Variants in QTMAN observed in about 807,000 individuals in gnomAD.
The protein encoded by QTMAN is tRNA-queuosine alpha-mannosyltransferase.
At chr2:143,959,777 T>C in the QTMAN span, among the ~76,000 whole-genome samples, 2 of 152,096 alleles carry the variant, frequency 1.3e-5, no homozygotes, top group African/African-American at 2.4e-5. Context: ...AAAATCTAAA[T>C]AAATATATCA....
At chr2:144,036,198 T>C in the QTMAN span, among the ~76,000 whole-genome samples, 1 of 152,330 alleles carries the variant, frequency 6.6e-6, no homozygotes, top group Non-Finnish European at 1.5e-5. Context: ...ATTATTGTAA[T>C]ATTATGTTTC....
the QTMAN span, among the ~76,000 whole-genome samples, chr2:143,993,896 A>G: frequency 6.6e-6 from 1 of 152,108 alleles, no homozygotes; most frequent in Non-Finnish European, 1.5e-5. Flanking sequence ...AGTTTAGGGG[A>G]AAAAAAGCAG....
the QTMAN span, among the ~76,000 whole-genome samples, chr2:144,155,214 A>G: frequency 0.046 from 6,964 of 152,198 alleles, 533 homozygotes; most frequent in African/African-American, 0.16. Flanking sequence ...TAAAGTATTC[A>G]AGACAGGATC....
At chr2:144,171,483 T>C in the QTMAN span, among the ~76,000 whole-genome samples, 28 of 152,322 alleles carry the variant, frequency 1.8e-4, no homozygotes, top group East Asian at 5.4e-3. Flanking sequence ...CCTACTGGTG[T>C]CAAAATAATG....
chr2:144,307,326 T>C, the QTMAN span, among the ~76,000 whole-genome samples: 1 of 152,064 alleles, frequency 6.6e-6, no homozygotes, highest in Non-Finnish European at 1.5e-5. Flanking sequence ...CTACCTGATA[T>C]GGTACATCTG....
chr2:144,209,601 T>G, the QTMAN span, among the ~76,000 whole-genome samples: 1 of 152,204 alleles, frequency 6.6e-6, no homozygotes, highest in Admixed American at 6.5e-5. Context: ...ACTAAAGACA[T>G]GATAAAATTT....
the QTMAN span, among the ~76,000 whole-genome samples, chr2:144,288,071 A>AT: frequency 2.0e-5 from 3 of 152,052 alleles, no homozygotes; most frequent in South Asian, 6.2e-4. Context: ...GGGTTTCACT[A>AT]TGTTGGCCAG....
chr2:144,223,992 C>T, the QTMAN span, among the ~76,000 whole-genome samples: 1 of 152,286 alleles, frequency 6.6e-6, no homozygotes, highest in East Asian at 1.9e-4. Flanking sequence ...GTAAAACCAT[C>T]TTCAAAAATC....
chr2:144,303,868 T>C, the QTMAN span, among the ~76,000 whole-genome samples: 1 of 152,248 alleles, frequency 6.6e-6, no homozygotes, highest in South Asian at 2.1e-4. Context: ...GGAGGCACTC[T>C]CTGCATCATG....
the QTMAN span, among the ~76,000 whole-genome samples, chr2:144,081,243 G>T: frequency 6.6e-6 from 1 of 152,138 alleles, no homozygotes; most frequent in Non-Finnish European, 1.5e-5. Flanking sequence ...AGGTTGTCCT[G>T]AGGGTTAAGA....
the QTMAN span, among the ~76,000 whole-genome samples, chr2:144,043,173 A>G: frequency 2.6e-5 from 4 of 151,780 alleles, no homozygotes; most frequent in East Asian, 7.7e-4. Flanking sequence ...TGGAGTAGTT[A>G]ATTTCTATAT....
chr2:144,112,447 G>C, the QTMAN span, among the ~76,000 whole-genome samples: 1 of 152,214 alleles, frequency 6.6e-6, no homozygotes, highest in Non-Finnish European at 1.5e-5. Flanking sequence ...GCCCAGGCTG[G>C]ATATTAAAGA....
At chr2:144,306,860 T>C in the QTMAN span, among the ~76,000 whole-genome samples, 1 of 151,816 alleles carries the variant, frequency 6.6e-6, no homozygotes, top group Non-Finnish European at 1.5e-5. Flanking sequence ...TATTAACAAG[T>C]GTTAAAAGAA....
chr2:144,117,826 A>G, the QTMAN span, among the ~76,000 whole-genome samples: 8 of 151,950 alleles, frequency 5.3e-5, no homozygotes, highest in African/African-American at 1.9e-4. Flanking sequence ...CCTATAGTAT[A>G]CTAATTTATT....
chr2:144,152,788 G>A, the QTMAN span, among the ~76,000 whole-genome samples: 3 of 152,028 alleles, frequency 2.0e-5, no homozygotes, highest in Non-Finnish European at 2.9e-5. Context: ...ATATCACCCC[G>A]TTCTAAAAGA....
At chr2:144,064,470 T>G in the QTMAN span, among the ~76,000 whole-genome samples, 1 of 152,228 alleles carries the variant, frequency 6.6e-6, no homozygotes, top group African/African-American at 2.4e-5. Context: ...ACAGCCTCCC[T>G]GGAGGTCCCT....
chr2:143,990,646 C>A, the QTMAN span, among the ~76,000 whole-genome samples: 3 of 152,150 alleles, frequency 2.0e-5, no homozygotes, highest in African/African-American at 7.2e-5. Flanking sequence ...CTGACAGAGG[C>A]AACCACACAT....
At chr2:144,155,929 A>C in the QTMAN span, among the ~76,000 whole-genome samples, 1 of 152,164 alleles carries the variant, frequency 6.6e-6, no homozygotes, top group Non-Finnish European at 1.5e-5. Context: ...TTTTGTGCCC[A>C]AATAACAAAT....
At chr2:144,090,949 T>C in the QTMAN span, among the ~76,000 whole-genome samples, 2 of 151,994 alleles carry the variant, frequency 1.3e-5, no homozygotes. Context: ...TCAAGACTTA[T>C]TATAACTAGA....
Sources: allele counts gnomAD v4.1 joint callset (sites outside exome capture counted in the v4.1 genomes callset), GRCh38; gene constraint gnomAD v4.1.1; transcripts MANE v1.5; gene names NCBI Gene and HGNC (gene_info 2026-07-23, HGNC 2026-07-21).